Variants in ZEB1 observed in about 807,000 individuals in gnomAD.
The protein encoded by ZEB1 is zinc finger E-box-binding homeobox 1.
In ZEB1, 21 loss-of-function variants were observed where a neutral mutation model predicts 84.9. The observed-to-expected ratio is 0.25, with a 90% CI of 0.18 to 0.36. ZEB1 has a LOEUF of 0.36. ZEB1 is among the 10% of genes least tolerant of loss of function. The pLI, the probability that ZEB1 is intolerant of heterozygous loss-of-function variation, is 1.00. For missense variants in ZEB1, 1,104 were observed against 1,330.2 expected (o/e 0.83, Z 2.65); for synonymous variants, 420 against 471.1 (o/e 0.89, Z 1.41).
intron 1 of ZEB1, among the ~76,000 whole-genome samples, chr10:31,450,617 A>G (rs2060447248): frequency 6.6e-6 from 1 of 152,154 alleles, no homozygotes; most frequent in Non-Finnish European, 1.5e-5. Context: ...GATGAAACTA[A>G]GCATCTTTAT....
At chr10:31,373,899 C>T (rs2046164025) in intron 1 of ZEB1, among the ~76,000 whole-genome samples, 1 of 151,664 alleles carries the variant, frequency 6.6e-6, no homozygotes, top group Non-Finnish European at 1.5e-5. Context: ...TCATATACTT[C>T]AGATGACCTT....
rs187001611 is a variant in ZEB1 at position 31,329,131 on chromosome 10, G to A, written c.58+9839G>A. Reference sequence around the variant, plus strand: ...GTGTAACTGCTACCACAGTCAAGATGTAATAGAACATTATTTCCATCATCC... The same window carrying A: ...GTGTAACTGCTACCACAGTCAAGATATAATAGAACATTATTTCCATCATCC... On this transcript the variant is annotated intron_variant, in intron 1 of 8. Coordinates refer to ENST00000424869, the MANE Select transcript of ZEB1 (RefSeq NM_001174096.2). Among the ~76,000 whole-genome samples the A allele has an allele frequency of 1.3e-3, 197 of 152,182 alleles. No individual in the cohort carries two copies. The Middle Eastern group carries it at 0.017, about 13-fold the overall frequency.
intron 1 of ZEB1, among the ~76,000 whole-genome samples, chr10:31,322,738 C>T (rs868654230): frequency 4.1e-4 from 59 of 143,120 alleles, no homozygotes; most frequent in African/African-American, 1.3e-3. Flanking sequence ...ATGTGGTTTT[C>T]TTCTTGTTCT....
chr10:31,380,566 A>T (rs2047444207), intron 1 of ZEB1, among the ~76,000 whole-genome samples: 1 of 152,076 alleles, frequency 6.6e-6, no homozygotes, highest in South Asian at 2.1e-4. Context: ...TCTCCAAATC[A>T]ATTCTGTCAT....
chr10:31,413,118 C>T (rs998055808), intron 1 of ZEB1, among the ~76,000 whole-genome samples: 6 of 152,162 alleles, frequency 3.9e-5, no homozygotes, highest in African/African-American at 1.4e-4. Context: ...TTCTACACCT[C>T]ATTTGCATGA....
At chr10:31,490,943 GC>G (rs2138845179) in intron 2 of ZEB1, among the ~76,000 whole-genome samples, 1 of 151,872 alleles carries the variant, frequency 6.6e-6, no homozygotes, top group South Asian at 2.1e-4. Context: ...ACTTTTCAAA[GC>G]CTTTGAAATG....
intron 1 of ZEB1, among the ~76,000 whole-genome samples, chr10:31,326,339 T>C (rs2035488605): frequency 6.6e-6 from 1 of 152,200 alleles, no homozygotes; most frequent in Non-Finnish European, 1.5e-5. Context: ...CTTTCTACCC[T>C]AAAGTTAAGT....
chr10:31,469,791 C>G (rs1372909798), intron 2 of ZEB1, among the ~76,000 whole-genome samples: 8 of 152,176 alleles, frequency 5.3e-5, no homozygotes, highest in Non-Finnish European at 2.9e-5. Flanking sequence ...CAGCAGTAAC[C>G]TCTGCAGACT....
At chr10:31,519,093 A>G (rs2071756160) in intron 6 of ZEB1, among the ~76,000 whole-genome samples, 1 of 152,186 alleles carries the variant, frequency 6.6e-6, no homozygotes. Flanking sequence ...CCATTCACTC[A>G]TCCAAAAAAG....
intron 1 of ZEB1, among the ~76,000 whole-genome samples, chr10:31,448,105 C>T (rs2060032093): frequency 6.9e-6 from 1 of 145,134 alleles, no homozygotes; most frequent in Non-Finnish European, 1.5e-5. Context: ...GGAGGCTTTG[C>T]TCATTTCTTT....
intron 1 of ZEB1, chr10:31,355,065 T>C (rs2041902853): frequency 6.6e-6 from 1 of 152,208 alleles, no homozygotes; most frequent in African/African-American, 2.4e-5. Flanking sequence ...GTAAGACTCC[T>C]ATTGATTTGA....
intron 2 of ZEB1, among the ~76,000 whole-genome samples, chr10:31,489,834 T>C (rs190247901): frequency 3.3e-5 from 5 of 151,574 alleles, no homozygotes; most frequent in Non-Finnish European, 7.4e-5. Flanking sequence ...ACATTCCAAG[T>C]GTCCCTCATT....
At chr10:31,391,124 G>A (rs1337484846) in intron 1 of ZEB1, among the ~76,000 whole-genome samples, 2 of 152,140 alleles carry the variant, frequency 1.3e-5, no homozygotes, top group African/African-American at 4.8e-5. Context: ...CCAAAGTTAA[G>A]CTATGGTGCA....
At chr10:31,427,673 GA>G (rs2057135299) in intron 1 of ZEB1, among the ~76,000 whole-genome samples, 1 of 152,140 alleles carries the variant, frequency 6.6e-6, no homozygotes, top group African/African-American at 2.4e-5. Flanking sequence ...CTAACATGGT[GA>G]AACCCCATCT....
intron 1 of ZEB1, among the ~76,000 whole-genome samples, chr10:31,344,069 C>A (rs1363503897): frequency 6.6e-6 from 1 of 152,028 alleles, no homozygotes; most frequent in African/African-American, 2.4e-5. Flanking sequence ...CTGACAGCCT[C>A]ACTGGATCCT....
chr10:31,474,516 A>G (rs1301192478), intron 2 of ZEB1, among the ~76,000 whole-genome samples: 1 of 152,186 alleles, frequency 6.6e-6, no homozygotes, highest in Non-Finnish European at 1.5e-5. Flanking sequence ...ATGAGATACC[A>G]TCTCACACCA....
rs1342362192 is a variant in ZEB1 at position 31,521,699 on chromosome 10, A to G, written c.2367A>G (p.Pro789=). The G allele has an allele frequency of 5.0e-6, 8 of 1,614,190 alleles. No individual in the cohort carries two copies. The Admixed American group carries it at 5.0e-5, about 10-fold the overall frequency. Residue 789 remains proline, a synonymous_variant, in exon 7 of 9, where the codon CCA becomes CCG. Transcript: ENST00000424869. ...ACAGTTGTGTTACAGACTCAGAACC[A>G]GTTGTAAATGTAATCCCACCAAGTG... ...QKDSCVTDSE[P]VVNVIPPSAN...
intron 1 of ZEB1, among the ~76,000 whole-genome samples, chr10:31,381,429 C>T (rs2047607652): frequency 1.3e-5 from 2 of 152,084 alleles, no homozygotes; most frequent in African/African-American, 4.8e-5. Flanking sequence ...AATAAATTAA[C>T]ATCCAGTGTA....
intron 2 of ZEB1, among the ~76,000 whole-genome samples, chr10:31,489,087 G>A (rs1007934403): frequency 3.3e-5 from 5 of 151,246 alleles, no homozygotes; most frequent in Admixed American, 2.6e-4. Context: ...CAAGAATATT[G>A]TAGATTTGTC....
Sources: gnomAD v4.1 joint callset for allele counts (sites outside exome capture counted in the v4.1 genomes callset) on GRCh38, gnomAD v4.1.1 for gene constraint, MANE v1.5 for transcripts, NCBI Gene and HGNC (gene_info 2026-07-23, HGNC 2026-07-21) for gene names.